ESRRG: variants seen among roughly 807,000 people sequenced by gnomAD.
ESRRG encodes the protein estrogen-related receptor gamma.
Under a neutral mutation model 44.0 loss-of-function variants are expected in ESRRG, and 13 were observed. The ratio of observed to expected loss-of-function variants is 0.30; its 90% CI spans 0.19 to 0.47. The LOEUF (loss-of-function observed/expected upper bound fraction) is 0.47, where lower values mean the gene tolerates loss of function less well. ESRRG is among the 20% of genes least tolerant of loss of function. ESRRG has a pLI of 1.00. For synonymous variants in ESRRG, 215 were observed against 214.6 expected (o/e 1.00, Z -0.02); for missense variants, 395 against 580.6 (o/e 0.68, Z 3.29).
At chr1:216,515,839 T>C (rs940010891) in intron 6 of ESRRG, among the ~76,000 whole-genome samples, 1 of 152,076 alleles carries the variant, frequency 6.6e-6, no homozygotes, top group South Asian at 2.1e-4. Flanking sequence ...CTGCTTTTAA[T>C]CTTATAGTAT....
intron 2 of ESRRG, among the ~76,000 whole-genome samples, chr1:216,794,629 T>C (rs978321133): frequency 2.6e-5 from 4 of 152,186 alleles, no homozygotes; most frequent in Non-Finnish European, 5.9e-5. Flanking sequence ...TTTTTCCCAC[T>C]GACTAAGCCC....
chr1:216,747,827 A>G (rs2091583945), intron 2 of ESRRG, among the ~76,000 whole-genome samples: 1 of 152,212 alleles, frequency 6.6e-6, no homozygotes, highest in Admixed American at 6.5e-5. Flanking sequence ...CATAATTCAA[A>G]AAACAACAGT....
At chr1:216,525,596 G>A (rs2047417807) in intron 5 of ESRRG, among the ~76,000 whole-genome samples, 1 of 152,052 alleles carries the variant, frequency 6.6e-6, no homozygotes, top group African/African-American at 2.4e-5. Context: ...AGTTCTGCCT[G>A]GAAAGCAGAC....
At chr1:217,078,685 C>G (rs1174121959) in intron 1 of ESRRG, among the ~76,000 whole-genome samples, 1 of 152,186 alleles carries the variant, frequency 6.6e-6, no homozygotes, top group Non-Finnish European at 1.5e-5. Context: ...CTACAGTGTA[C>G]TATATTTTAA....
At chr1:217,085,056 G>A (rs933248174) in intron 1 of ESRRG, among the ~76,000 whole-genome samples, 4 of 152,160 alleles carry the variant, frequency 2.6e-5, no homozygotes, top group African/African-American at 7.2e-5. Context: ...CCAATACAGT[G>A]CAGGGGGCAA....
intron 2 of ESRRG, among the ~76,000 whole-genome samples, chr1:216,915,501 C>T (rs1236894987): frequency 6.6e-6 from 1 of 152,196 alleles, no homozygotes; most frequent in Non-Finnish European, 1.5e-5. Flanking sequence ...AAGTTCAACA[C>T]TTTGAACACA....
intron 1 of ESRRG, among the ~76,000 whole-genome samples, chr1:217,102,549 C>T (rs1165560710): frequency 6.6e-6 from 1 of 152,182 alleles, no homozygotes; most frequent in African/African-American, 2.4e-5. Context: ...TACCCTCCCA[C>T]GTCTTCTCTG....
At chr1:217,019,745 G>A (rs1386611692) in intron 1 of ESRRG, among the ~76,000 whole-genome samples, 1 of 152,184 alleles carries the variant, frequency 6.6e-6, no homozygotes, top group African/African-American at 2.4e-5. Context: ...AGGAAGAGCA[G>A]AGTCATCCCC....
At chr1:216,961,073 C>A (rs1255459008) in intron 1 of ESRRG, among the ~76,000 whole-genome samples, 1 of 152,128 alleles carries the variant, frequency 6.6e-6, no homozygotes, top group African/African-American at 2.4e-5. Flanking sequence ...GAGGAAGAGA[C>A]AAAGTGATCA....
chr1:216,996,116 G>C (rs2076344383), intron 1 of ESRRG, among the ~76,000 whole-genome samples: 1 of 152,290 alleles, frequency 6.6e-6, no homozygotes, highest in Non-Finnish European at 1.5e-5. Context: ...AAATAGATTG[G>C]ATCAGTGATT....
intron 3 of ESRRG, among the ~76,000 whole-genome samples, chr1:216,647,688 T>C (rs750023028): frequency 6.6e-6 from 1 of 152,216 alleles, no homozygotes; most frequent in African/African-American, 2.4e-5. Flanking sequence ...CAAAGTGAGA[T>C]GCCATAATTA....
At chr1:217,006,522 T>C (rs576746946) in intron 1 of ESRRG, among the ~76,000 whole-genome samples, 57 of 152,232 alleles carry the variant, frequency 3.7e-4, no homozygotes, top group Non-Finnish European at 7.1e-4. Context: ...ATTTTAACTA[T>C]AGGTTGAGTA....
chr1:216,868,082 T>C, intron 2 of ESRRG, among the ~76,000 whole-genome samples: 1 of 75,918 alleles, frequency 1.3e-5, no homozygotes, highest in South Asian at 3.1e-4. Context: ...ATTGATCCTT[T>C]TTTTTTTTTT....
At chr1:216,829,474 T>C (rs2095450354) in intron 2 of ESRRG, among the ~76,000 whole-genome samples, 2 of 152,120 alleles carry the variant, frequency 1.3e-5, no homozygotes, top group Non-Finnish European at 2.9e-5. Flanking sequence ...AAAGTTAGCA[T>C]GTTTAAGAAA....
rs1469318169 is a variant in ESRRG, at chr1:216,656,454, C to A, written c.473-5365G>T. On this transcript the variant is annotated intron_variant, in intron 2 of 6. Transcript: ENST00000408911. ...AGTCCCGGGCTCTGATTACTTATTT[C>A]AGAGTCTTTTGTGCAATTAGTTTGC... is the stretch of plus-strand genomic sequence containing the variant. Among the ~76,000 whole-genome samples, 4 of 152,296 alleles carry A rather than the reference C, an allele frequency of 2.6e-5. No homozygotes were observed. The East Asian group carries it at 7.7e-4, about 29-fold the overall frequency.
chr1:217,096,285 C>T (rs1002672436), intron 1 of ESRRG, among the ~76,000 whole-genome samples: 6 of 152,132 alleles, frequency 3.9e-5, no homozygotes, highest in Admixed American at 1.3e-4. Flanking sequence ...AAAGAGTTTT[C>T]CTTGGCAACC....
intron 5 of ESRRG, among the ~76,000 whole-genome samples, chr1:216,523,502 GTT>G (rs572065983): frequency 0.012 from 1,764 of 141,290 alleles, 28 homozygotes; most frequent in Non-Finnish European, 0.019. Context: ...TTTTTTTTTT[GTT>G]TTTTTTTTTT....
At chr1:216,758,475 A>G (rs2092590367) in intron 2 of ESRRG, among the ~76,000 whole-genome samples, 1 of 152,048 alleles carries the variant, frequency 6.6e-6, no homozygotes, top group South Asian at 2.1e-4. Context: ...TGCTCAGTTC[A>G]GAGCAGGGAT....
At chr1:216,568,692 C>T (rs2060126870) in intron 3 of ESRRG, among the ~76,000 whole-genome samples, 1 of 152,166 alleles carries the variant, frequency 6.6e-6, no homozygotes, top group Admixed American at 6.5e-5. Flanking sequence ...CATTTTGGCA[C>T]AAATTTGTAT....
Sources: gnomAD v4.1 joint callset for allele counts (sites outside exome capture counted in the v4.1 genomes callset) on GRCh38, gnomAD v4.1.1 for gene constraint, MANE v1.5 for transcripts, NCBI Gene and HGNC (gene_info 2026-07-23, HGNC 2026-07-21) for gene names.